Variants in LRRC69 observed in about 807,000 individuals in gnomAD.
The protein encoded by LRRC69 is leucine rich repeat containing 69.
A neutral mutation model predicts 37.8 loss-of-function variants in LRRC69; 42 were observed. The observed-to-expected ratio is 1.11, with a 90% CI of 0.87 to 1.44. The LOEUF is 1.44. Among genes scored for constraint, LRRC69 ranks in the 40% most tolerant of loss-of-function variants. The pLI is 0.00. For missense variants in LRRC69, 357 were observed against 401.9 expected, an observed-to-expected ratio of 0.89 and a Z score of 0.96; for synonymous variants, 141 against 143.1, an observed-to-expected ratio of 0.99 and a Z score of 0.11.
intron 1 of LRRC69, among the ~76,000 whole-genome samples, chr8:91,124,202 G>A (rs1167245155): frequency 6.6e-6 from 1 of 151,918 alleles, no homozygotes; most frequent in Admixed American, 6.6e-5. Context: ...TTTATAAATG[G>A]ATCATCGGTT....
intron 5 of LRRC69, among the ~76,000 whole-genome samples, chr8:91,175,062 G>A (rs1809200900): frequency 6.6e-6 from 1 of 152,174 alleles, no homozygotes; most frequent in South Asian, 2.1e-4. Context: ...ATCTGCCAAA[G>A]GTAGAGCAGG....
intron 5 of LRRC69, among the ~76,000 whole-genome samples, chr8:91,184,444 C>G (rs909954196): frequency 6.6e-6 from 1 of 152,058 alleles, no homozygotes; most frequent in African/African-American, 2.4e-5. Context: ...TTCCAGATTC[C>G]TCTAATCTTG....
chr8:91,171,856 G>T (rs1422184353), intron 5 of LRRC69, among the ~76,000 whole-genome samples: 2 of 151,866 alleles, frequency 1.3e-5, no homozygotes, highest in African/African-American at 4.8e-5. Context: ...GACCAAGGAG[G>T]TGTGAACAAC....
intron 5 of LRRC69, among the ~76,000 whole-genome samples, chr8:91,181,843 T>A (rs1809330993): frequency 6.6e-6 from 1 of 152,154 alleles, no homozygotes. Context: ...GTTCAAGGGA[T>A]GTAACTAGAC....
chr8:91,193,028 G>C (rs562813180), intron 6 of LRRC69, among the ~76,000 whole-genome samples: 1 of 151,186 alleles, frequency 6.6e-6, no homozygotes, highest in South Asian at 2.1e-4. Context: ...TTTTGTATAA[G>C]GTGTAAGGAA....
chr8:91,122,682 C>T (rs976821112), intron 1 of LRRC69, among the ~76,000 whole-genome samples: 26 of 152,006 alleles, frequency 1.7e-4, no homozygotes, highest in African/African-American at 5.6e-4. Context: ...TTGCGTATCT[C>T]GCCAGTCCTC....
At chr8:91,147,940 A>G (rs142430353) in intron 5 of LRRC69, among the ~76,000 whole-genome samples, 2 of 151,660 alleles carry the variant, frequency 1.3e-5, no homozygotes, top group African/African-American at 2.4e-5. Flanking sequence ...GCTCCCACAT[A>G]TGAGTGAGAA....
chr8:91,117,174 T>C (rs987722800), intron 1 of LRRC69, among the ~76,000 whole-genome samples: 1 of 151,938 alleles, frequency 6.6e-6, no homozygotes, highest in African/African-American at 2.4e-5. Context: ...GGTAGAGAAA[T>C]TATAGGTTCA....
At chr8:91,111,756 G>A (rs1237738428) in intron 1 of LRRC69, among the ~76,000 whole-genome samples, 1 of 151,714 alleles carries the variant, frequency 6.6e-6, no homozygotes, top group East Asian at 1.9e-4. Flanking sequence ...GGAGAGAGAG[G>A]AGCAGGAAAA....
intron 5 of LRRC69, among the ~76,000 whole-genome samples, chr8:91,184,917 C>A (rs926119210): frequency 2.0e-5 from 3 of 152,110 alleles, no homozygotes; most frequent in African/African-American, 7.2e-5. Context: ...CAAATCATAA[C>A]CAAGTCCTGA....
chr8:91,167,332 CT>C, intron 5 of LRRC69, among the ~76,000 whole-genome samples: 1 of 151,624 alleles, frequency 6.6e-6, no homozygotes, highest in Non-Finnish European at 1.5e-5. Flanking sequence ...AGGGGTACTC[CT>C]TTTTATAAAA....
At chr8:91,116,435 T>G (rs759737705) in intron 1 of LRRC69, among the ~76,000 whole-genome samples, 19 of 152,014 alleles carry the variant, frequency 1.2e-4, no homozygotes, top group Non-Finnish European at 2.9e-5. Flanking sequence ...GACTCAAGAA[T>G]GTGCACATGA....
chr8:91,150,151 C>T (rs1415711533), intron 5 of LRRC69, among the ~76,000 whole-genome samples: 3 of 151,904 alleles, frequency 2.0e-5, no homozygotes, highest in Non-Finnish European at 2.9e-5. Flanking sequence ...GAGGGCATCC[C>T]TGTCTTGTGC....
chr8:91,178,398 T>C (rs1809272000), intron 5 of LRRC69, among the ~76,000 whole-genome samples: 1 of 152,202 alleles, frequency 6.6e-6, no homozygotes, highest in African/African-American at 2.4e-5. Context: ...TTCTATGTAA[T>C]TAACTTAGAT....
rs1390289920 is a variant in LRRC69 at position 91,184,598 on chromosome 8, T to G, written c.652-4924T>G. ...TTCTTTGGTTAAGGTGCATATCTCATGCACATGTGAGAAGGTCTTCATGTT... is the reference window on the plus strand; with the variant it reads ...TTCTTTGGTTAAGGTGCATATCTCAGGCACATGTGAGAAGGTCTTCATGTT... On this transcript the variant is annotated intron_variant, in intron 5 of 7. Transcript: ENST00000448384. Among the ~76,000 whole-genome samples the G allele has an allele frequency of 2.0e-5, 3 of 152,204 alleles. No homozygotes were observed. The East Asian group carries it at 5.8e-4, about 29-fold the overall frequency.
At chr8:91,218,476 A>G (rs1041494199) in intron 7 of LRRC69, among the ~76,000 whole-genome samples, 1 of 152,198 alleles carries the variant, frequency 6.6e-6, no homozygotes, top group Admixed American at 6.5e-5. Flanking sequence ...ATTAATTTCC[A>G]TGGCAACTGC....
At chr8:91,127,053 A>C (rs964645387) in intron 2 of LRRC69, 35 bp from the exon 3 acceptor site, 5 of 1,468,244 alleles carry the variant, frequency 3.4e-6, no homozygotes, top group Non-Finnish European at 2.8e-6. Flanking sequence ...ATTATCTAAC[A>C]GATGGCTAAA....
At chr8:91,166,507 A>G (rs971811586) in intron 5 of LRRC69, among the ~76,000 whole-genome samples, 1 of 151,166 alleles carries the variant, frequency 6.6e-6, no homozygotes, top group South Asian at 2.1e-4. Context: ...AAAAAAAAAA[A>G]AAAAAAAAAC....
intron 4 of LRRC69, among the ~76,000 whole-genome samples, chr8:91,134,498 A>C (rs201220399): frequency 2.6e-5 from 2 of 75,906 alleles, no homozygotes. Flanking sequence ...TTTTTTTTTC[A>C]TCAAGTCACT....
Sources: allele counts gnomAD v4.1 joint callset (sites outside exome capture counted in the v4.1 genomes callset), GRCh38; gene constraint gnomAD v4.1.1; transcripts MANE v1.5; gene names NCBI Gene and HGNC (gene_info 2026-07-23, HGNC 2026-07-21).